The following KIAA1671 variants were observed in gnomAD, a reference collection of about 807,000 sequenced individuals.
KIAA1671 encodes the protein uncharacterized protein KIAA1671.
Under a neutral mutation model 131.2 loss-of-function variants are expected in KIAA1671, and 52 were observed. The observed-to-expected ratio is 0.40, with a 90% CI of 0.32 to 0.50. KIAA1671 has a LOEUF of 0.50. Among genes scored for constraint, KIAA1671 ranks in the 20% least tolerant of loss-of-function variants. KIAA1671 has a pLI of 0.73. For missense variants in KIAA1671, 2,360 were observed against 2,364.2 expected, an observed-to-expected ratio of 1.00 and a Z score of 0.04; for synonymous variants, 1,003 against 961.6, an observed-to-expected ratio of 1.04 and a Z score of -0.80.
chr22:25,035,600 T>A (rs1412698177), intron 4 of KIAA1671, among the ~76,000 whole-genome samples: 1 of 152,172 alleles, frequency 6.6e-6, no homozygotes, highest in Non-Finnish European at 1.5e-5. Context: ...TCTGAATCAT[T>A]TCTTTGAAAA....
chr22:25,016,123 C>T (rs1208563193), intron 1 of KIAA1671, among the ~76,000 whole-genome samples: 11 of 151,814 alleles, frequency 7.2e-5, no homozygotes, highest in African/African-American at 2.2e-4. Context: ...CGGGCTCAAG[C>T]GATTCTCCTG....
chr22:25,171,140 C>T (rs1224825244), intron 7 of KIAA1671, among the ~76,000 whole-genome samples: 1 of 152,214 alleles, frequency 6.6e-6, no homozygotes, highest in Non-Finnish European at 1.5e-5. Flanking sequence ...TGGCTCACGT[C>T]TGTAATCCCA....
intron 1 of KIAA1671, among the ~76,000 whole-genome samples, chr22:25,004,466 T>C (rs1483669160): frequency 6.6e-6 from 1 of 152,166 alleles, no homozygotes; most frequent in Non-Finnish European, 1.5e-5. Context: ...TAACTTTTAT[T>C]GATTTGGCTA....
intron 1 of KIAA1671, among the ~76,000 whole-genome samples, chr22:24,961,959 A>C (rs1208412306): frequency 6.6e-6 from 1 of 152,190 alleles, no homozygotes; most frequent in Non-Finnish European, 1.5e-5. Context: ...CAGGCAGTTC[A>C]CCAACTGAGT....
chr22:25,029,030 T>A lies in KIAA1671; in HGVS notation c.1031T>A (p.Phe344Tyr). The change falls in exon 3 of 13, where the codon TTC (phenylalanine) becomes TAC (tyrosine). Residue 344 changes from phenylalanine (F) to tyrosine (Y), a missense_variant. By Grantham distance (22) the Phe-to-Tyr change is conservative. Around this residue, in one of 3 missense-constraint regions of KIAA1671, gnomAD observed 1,185 missense variants for 1,126.2 expected, o/e 1.05. Coordinates refer to ENST00000358431, the MANE Select transcript of KIAA1671 (RefSeq NM_001145206.2). ...EAPLHDPDLD[F>Y]LEVAKKIRER... ...CCTCTTCATGATCCTGATTTGGACT[T>A]CCTGGAGGTGGCCAAGAAAATCCGT... 6.6e-7 allele frequency: 1 copy of A among 1,506,410 alleles called. No individual in the cohort carries two copies. The highest frequency in any genetic ancestry group is 8.9e-7 in the Non-Finnish European group (1 of 1,126,982). 93.3% of individuals were successfully genotyped at this position (1,506,410 alleles called of 1,614,324 possible). A position where few individuals can be genotyped will look rare whatever the true frequency, so the allele number is the denominator to read the frequency against.
At chr22:25,015,227 TAAA>T (rs3063199) in intron 1 of KIAA1671, among the ~76,000 whole-genome samples, 24,748 of 115,522 alleles carry the variant, frequency 0.21, 2,525 homozygotes, top group East Asian at 0.46. Context: ...CCTTGTCCCT[TAAA>T]AAAAAAAAAA....
At chr22:25,186,837 C>T (rs1934491744) in intron 11 of KIAA1671, among the ~76,000 whole-genome samples, 1 of 152,242 alleles carries the variant, frequency 6.6e-6, no homozygotes, top group Admixed American at 6.5e-5. Context: ...ATAGTTGAGA[C>T]AGTGCCTCCC....
intron 1 of KIAA1671, among the ~76,000 whole-genome samples, chr22:24,987,469 C>G (rs1461052575): frequency 6.6e-6 from 1 of 151,916 alleles, no homozygotes; most frequent in Admixed American, 6.6e-5. Context: ...CTGCGCCTGG[C>G]CTATTATTAT....
At chr22:25,151,107 T>C (rs1034308977) in intron 6 of KIAA1671, among the ~76,000 whole-genome samples, 1 of 151,948 alleles carries the variant, frequency 6.6e-6, no homozygotes, top group Non-Finnish European at 1.5e-5. Context: ...GTGCTGGGAT[T>C]ACAGGCGTGA....
chr22:25,109,089 C>T (rs564139977), intron 6 of KIAA1671, among the ~76,000 whole-genome samples: 1 of 151,898 alleles, frequency 6.6e-6, no homozygotes, highest in Admixed American at 6.6e-5. Flanking sequence ...TATGACCAAG[C>T]TTTAGAAGTC....
chr22:25,009,482 C>A (rs1924918806), intron 1 of KIAA1671, among the ~76,000 whole-genome samples: 1 of 151,088 alleles, frequency 6.6e-6, no homozygotes, highest in South Asian at 2.1e-4. Context: ...CCAGGCTGGT[C>A]TCGAACTCCT....
At chr22:25,159,482 C>G (rs916531579) in intron 6 of KIAA1671, among the ~76,000 whole-genome samples, 1 of 152,160 alleles carries the variant, frequency 6.6e-6, no homozygotes, top group South Asian at 2.1e-4. Context: ...AGCTGAAAGA[C>G]AGAACTGTCA....
At chr22:25,067,069 G>A (rs966480072) in intron 6 of KIAA1671, among the ~76,000 whole-genome samples, 2 of 152,124 alleles carry the variant, frequency 1.3e-5, no homozygotes, top group East Asian at 1.9e-4. Context: ...TGGTCAGGGC[G>A]GCCAGAGCAG....
At chr22:25,145,872 C>T (rs1404703145) in intron 6 of KIAA1671, among the ~76,000 whole-genome samples, 1 of 151,346 alleles carries the variant, frequency 6.6e-6, no homozygotes, top group East Asian at 2.0e-4. Flanking sequence ...CCCAGAAGTT[C>T]AAGGCTGCAG....
At chr22:25,007,620 A>G (rs1364065983) in intron 1 of KIAA1671, among the ~76,000 whole-genome samples, 1 of 152,174 alleles carries the variant, frequency 6.6e-6, no homozygotes, top group Non-Finnish European at 1.5e-5. Flanking sequence ...GACCCTCTCC[A>G]TAAGACATGT....
chr22:25,098,209 G>C (rs1409751709), intron 6 of KIAA1671, among the ~76,000 whole-genome samples: 1 of 152,206 alleles, frequency 6.6e-6, no homozygotes, highest in Non-Finnish European at 1.5e-5. Context: ...CTTCCTGGAG[G>C]TGGTGACATC....
intron 6 of KIAA1671, among the ~76,000 whole-genome samples, chr22:25,150,371 G>A (rs1302553238): frequency 6.6e-6 from 1 of 152,210 alleles, no homozygotes; most frequent in Non-Finnish European, 1.5e-5. Flanking sequence ...GGGAAACTGA[G>A]GTCCTGAGAA....
chr22:25,178,775 C>T (rs1349011468), intron 9 of KIAA1671, among the ~76,000 whole-genome samples: 8 of 152,108 alleles, frequency 5.3e-5, no homozygotes, highest in African/African-American at 1.2e-4. Flanking sequence ...AAGCTGCAGC[C>T]CCCACCCACC....
intron 1 of KIAA1671, among the ~76,000 whole-genome samples, chr22:24,974,515 GCATGA>G (rs1427950676): frequency 6.6e-6 from 1 of 152,016 alleles, no homozygotes; most frequent in African/African-American, 2.4e-5. Context: ...TAAAGCTAAT[GCATGA>G]GCTCCGTGTT....
Sources: gnomAD v4.1 joint callset for allele counts (sites outside exome capture counted in the v4.1 genomes callset) on GRCh38, gnomAD v4.1.1 for gene constraint, gnomAD v4.1.1 regional missense constraint, MANE v1.5 for transcripts, NCBI Gene and HGNC (gene_info 2026-07-23, HGNC 2026-07-21) for gene names.